The following ESYT2 variants were observed in gnomAD, a reference collection of about 807,000 sequenced individuals.
ESYT2 encodes the protein extended synaptotagmin 2.
ESYT2 carries 54 observed loss-of-function variants against 107.2 expected under a neutral mutation model. The observed-to-expected ratio is 0.50, with a 90% CI of 0.40 to 0.63. The LOEUF is 0.63. ESYT2 is among the 30% of genes least tolerant of loss of function. The pLI is 0.00. For synonymous variants in ESYT2, 491 were observed against 434.1 expected (o/e 1.13, Z -1.63); for missense variants, 1,020 against 1,094.5 (o/e 0.93, Z 0.96).
At chr7:158,810,668 C>T (rs1217563250) in intron 1 of ESYT2, among the ~76,000 whole-genome samples, 1 of 150,132 alleles carries the variant, frequency 6.7e-6, no homozygotes. Flanking sequence ...GGTGATAGAG[C>T]GAGACCCTGT....
intron 13 of ESYT2, among the ~76,000 whole-genome samples, chr7:158,756,362 G>A (rs1473508424): frequency 6.6e-6 from 1 of 152,160 alleles, no homozygotes; most frequent in Non-Finnish European, 1.5e-5. Flanking sequence ...TGATGAGATG[G>A]GAACAAAGAC....
chr7:158,795,230 G>A (rs539878610), intron 3 of ESYT2, among the ~76,000 whole-genome samples: 5 of 152,224 alleles, frequency 3.3e-5, no homozygotes, highest in Admixed American at 3.3e-4. Context: ...AGAAAGCCTG[G>A]GTTTGACACT....
At chr7:158,749,771 A>C in intron 14 of ESYT2, 48 bp from the exon 15 acceptor site, 1 of 1,557,052 alleles carries the variant, frequency 6.4e-7, no homozygotes, top group East Asian at 2.2e-5. Flanking sequence ...ACACATTTTA[A>C]ATGGGTCTTA....
At chr7:158,799,640 T>G (rs567801518) in intron 1 of ESYT2, among the ~76,000 whole-genome samples, 1 of 152,234 alleles carries the variant, frequency 6.6e-6, no homozygotes, top group African/African-American at 2.4e-5. Flanking sequence ...TAAAATAAAG[T>G]AACAAAATAT....
At position 158,798,091 on chromosome 7, in the gene ESYT2, G is replaced by C; in HGVS notation, c.373-15C>G. 1 of 1,613,838 alleles carries C rather than the reference G, an allele frequency of 6.2e-7. No homozygotes were observed. ...TGTTTTACAGTCTGGAAAGGAAAAAGAACTCAGTTTAAACAAAATGCTATA... is the reference window on the plus strand; with the variant it reads ...TGTTTTACAGTCTGGAAAGGAAAAACAACTCAGTTTAAACAAAATGCTATA... On this transcript the variant is annotated splice_polypyrimidine_tract_variant and intron_variant, in intron 2 of 22. Transcript: ENST00000275418.
intron 1 of ESYT2, among the ~76,000 whole-genome samples, chr7:158,819,061 G>T (rs1840221845): frequency 6.6e-6 from 1 of 152,226 alleles, no homozygotes; most frequent in African/African-American, 2.4e-5. Flanking sequence ...AAAAATACTT[G>T]TAACTGTTAG....
intron 18 of ESYT2, among the ~76,000 whole-genome samples, chr7:158,739,718 T>C (rs1381744565): frequency 6.6e-6 from 1 of 152,162 alleles, no homozygotes; most frequent in Non-Finnish European, 1.5e-5. Flanking sequence ...CACTCCCATG[T>C]GAGTGGACCC....
Position 158,731,908 on chromosome 7 carries a change from T to C in ESYT2, c.*2299A>G, listed in dbSNP as rs35109208. 38,906 of 150,942 alleles carry C rather than the reference T, an allele frequency of 0.26. 6,058 individuals are homozygous for C. Among genetic ancestry groups the C allele is most frequent in the East Asian group, 0.6 (3,084 of 5,142 alleles). 9.4% of individuals were successfully genotyped at this position (150,942 alleles called of 1,614,324 possible). On this transcript the variant is annotated 3_prime_UTR_variant, in exon 23 of 23. Transcript: ENST00000275418. ...TCACTCCTCCACATCTGGGAGGCAC[T>C]TCAGTGCCTCAGAATCACCCCCTTT...
chr7:158,735,229 A>G (rs1836888152), intron 21 of ESYT2, among the ~76,000 whole-genome samples: 1 of 152,254 alleles, frequency 6.6e-6, no homozygotes, highest in Non-Finnish European at 1.5e-5. Context: ...AGAATTTTAG[A>G]AAAAGAGCAG....
chr7:158,825,244 G>A lies in ESYT2; in HGVS notation c.330+3845C>T, dbSNP rs549438432. ...GGAGGCAGAGGTTGCGGTGAGCCGA[G>A]ACCATGCCACTGCCCTTCATCCTGG... is the stretch of plus-strand genomic sequence containing the variant. On this transcript the variant is annotated intron_variant, in intron 1 of 22. Transcript: ENST00000275418. Among the ~76,000 whole-genome samples the A allele has an allele frequency of 2.0e-5, 3 of 152,304 alleles. No individual in the cohort carries two copies. The East Asian group carries it at 5.8e-4, about 29-fold the overall frequency.
intron 1 of ESYT2, among the ~76,000 whole-genome samples, chr7:158,813,489 T>G (rs546054992): frequency 6.6e-6 from 1 of 152,224 alleles, no homozygotes; most frequent in Admixed American, 6.5e-5. Flanking sequence ...AGAAGGGATG[T>G]GGGGGCTCTG....
intron 16 of ESYT2, 97 bp downstream of exon 16, chr7:158,748,097 T>C: frequency 3.7e-6 from 4 of 1,084,206 alleles, no homozygotes; most frequent in Non-Finnish European, 5.5e-6. Context: ...TGGCGATGGA[T>C]CCCCAGGTGT....
At position 158,735,663 on chromosome 7, in the gene ESYT2, T is replaced by A; in HGVS notation, c.2400-55A>T. 3 of 1,466,950 alleles carry A rather than the reference T, an allele frequency of 2.0e-6. No homozygotes were observed. The South Asian group carries it at 3.5e-5, about 17-fold the overall frequency. The allele number at this position is 1,466,950 out of a possible 1,614,324, so 90.9% of individuals were successfully genotyped here. A position where few individuals can be genotyped will look rare whatever the true frequency, so the allele number is the denominator to read the frequency against. On this transcript the variant is annotated intron_variant, in intron 20 of 22. Transcript: ENST00000275418. ...TCCATCATTCTGCTGTATTTTCTTA[T>A]AACTAAAAATGGCATTTCTGCTCAT... is the stretch of plus-strand genomic sequence containing the variant.
intron 4 of ESYT2, among the ~76,000 whole-genome samples, chr7:158,788,973 T>C (rs1032012790): frequency 1.3e-5 from 2 of 152,178 alleles, no homozygotes; most frequent in Non-Finnish European, 2.9e-5. Flanking sequence ...CAAATATTAA[T>C]ATGAAACAAA....
At chr7:158,741,418 A>G (rs1325006610) in intron 18 of ESYT2, 105 bp downstream of exon 18, 20 of 1,461,686 alleles carry the variant, frequency 1.4e-5, no homozygotes, top group Non-Finnish European at 1.7e-5. Flanking sequence ...TCCCTCCCCA[A>G]AGCATGCCGG....
chr7:158,820,739 TTGTGCCACTGCAC>T (rs1840265845), intron 1 of ESYT2, among the ~76,000 whole-genome samples: 1 of 152,244 alleles, frequency 6.6e-6, no homozygotes, highest in South Asian at 2.1e-4. Context: ...TGAGCCATGA[TTGTGCCACTGCAC>T]TCCAGTCTGG....
chr7:158,766,532 T>C (rs1342501337), intron 8 of ESYT2, among the ~76,000 whole-genome samples: 2 of 152,190 alleles, frequency 1.3e-5, no homozygotes, highest in Non-Finnish European at 2.9e-5. Context: ...GCCAGCGATA[T>C]AACCAATTTG....
chr7:158,828,165 T>C (rs935361371), intron 1 of ESYT2, among the ~76,000 whole-genome samples: 12 of 152,228 alleles, frequency 7.9e-5, no homozygotes, highest in African/African-American at 2.4e-4. Flanking sequence ...TCTCCACATC[T>C]TTCGAGAGAC....
chr7:158,800,654 T>C (rs1287516551), intron 1 of ESYT2, among the ~76,000 whole-genome samples: 4 of 152,058 alleles, frequency 2.6e-5, no homozygotes, highest in African/African-American at 7.2e-5. Flanking sequence ...CCTCCCCCTG[T>C]GTTGGAATTA....
Sources: gnomAD v4.1 joint callset for allele counts (sites outside exome capture counted in the v4.1 genomes callset) on GRCh38, gnomAD v4.1.1 for gene constraint, MANE v1.5 for transcripts, NCBI Gene and HGNC (gene_info 2026-07-23, HGNC 2026-07-21) for gene names.